Variants in ARVCF observed in about 807,000 individuals in gnomAD.
ARVCF encodes the protein ARVCF delta catenin family member.
A neutral mutation model predicts 90.9 loss-of-function variants in ARVCF; 66 were observed. The ratio of observed to expected loss-of-function variants is 0.73; its 90% CI spans 0.60 to 0.89. The LOEUF (loss-of-function observed/expected upper bound fraction) is 0.89, where lower values mean the gene tolerates loss of function less well. Ranked by LOEUF, ARVCF falls within the 40% of genes least tolerant of loss-of-function variation. ARVCF has a pLI of 0.00. For missense variants in ARVCF, 1,469 were observed against 1,382.3 expected (o/e 1.06, Z -1.00); for synonymous variants, 653 against 603.4 (o/e 1.08, Z -1.21).
At chr22:20,004,096 A>G (rs1473462024) in intron 2 of ARVCF, among the ~76,000 whole-genome samples, 1 of 152,220 alleles carries the variant, frequency 6.6e-6, no homozygotes, top group Non-Finnish European at 1.5e-5. Context: ...CCTGAAAGGG[A>G]AATTTAAAAA....
intron 2 of ARVCF, among the ~76,000 whole-genome samples, chr22:19,995,268 G>A (rs1944203373): frequency 6.6e-6 from 1 of 151,998 alleles, no homozygotes; most frequent in African/African-American, 2.4e-5. Flanking sequence ...ACGGGTGGTG[G>A]TAGAGGGATA....
chr22:19,976,758 GGAGCCT>G (rs1943178236), intron 9 of ARVCF, 35 bp from the exon 10 acceptor site: 3 of 1,555,964 alleles, frequency 1.9e-6, no homozygotes, highest in Non-Finnish European at 2.6e-6. Flanking sequence ...AGAGAGGAGA[GGAGCCT>G]GAACAGGCAG....
Position 19,982,106 on chromosome 22 carries a change from G to T in ARVCF, c.211-15C>A. 2 of 1,608,834 alleles carry T rather than the reference G, an allele frequency of 1.2e-6. No homozygotes were observed. The highest frequency in any genetic ancestry group is 1.7e-6 in the Non-Finnish European group (2 of 1,179,728). ...GGGCTCTGCTCCTGGGGCAAGGAGG[G>T]ACATTGGTGGGCAGGCCTGCTGCTC... is the stretch of plus-strand genomic sequence containing the variant. On this transcript the variant is annotated splice_polypyrimidine_tract_variant and intron_variant, in intron 3 of 19. Transcript: ENST00000263207.
chr22:19,996,145 A>G (rs1944242708), intron 2 of ARVCF, among the ~76,000 whole-genome samples: 1 of 152,164 alleles, frequency 6.6e-6, no homozygotes, highest in Non-Finnish European at 1.5e-5. Context: ...CACAGGGCGG[A>G]GTCCACATCC....
At position 19,970,210 on chromosome 22, in the gene ARVCF, C is replaced by A; in HGVS notation, c.*546G>T. 1.0e-6 allele frequency: 1 copy of A among 989,306 alleles called. No individual in the cohort carries two copies. The highest frequency in any genetic ancestry group is 1.2e-6 in the Non-Finnish European group (1 of 832,136). The allele number at this position is 989,306 out of a possible 1,614,324, so 61.3% of individuals were successfully genotyped here. On this transcript the variant is annotated 3_prime_UTR_variant, in exon 20 of 20. Transcript: ENST00000263207. ...CACCTGTAGCCTGACCCCCACCTTGCTGCTTCCAAAGCTTCCTTGCCCAGG... is the reference window on the plus strand; with the variant it reads ...CACCTGTAGCCTGACCCCCACCTTGATGCTTCCAAAGCTTCCTTGCCCAGG...
At chr22:19,995,993 C>T (rs1944237659) in intron 2 of ARVCF, among the ~76,000 whole-genome samples, 1 of 152,210 alleles carries the variant, frequency 6.6e-6, no homozygotes, top group Non-Finnish European at 1.5e-5. Context: ...GCTGGCCAGG[C>T]CTTGTGGGGG....
At chr22:19,971,862 G>A in intron 18 of ARVCF, 24 bp downstream of exon 18, 1 of 1,612,162 alleles carries the variant, frequency 6.2e-7, no homozygotes. Flanking sequence ...CCGGGGACCT[G>A]CCCACAGCCA....
At chr22:19,972,042 A>G (rs1942839546) in intron 17 of ARVCF, 71 bp from the exon 18 acceptor site, 1 of 1,408,260 alleles carries the variant, frequency 7.1e-7, no homozygotes, top group Admixed American at 2.0e-5. Flanking sequence ...TCTCCCTCTC[A>G]GCCCAGACAC....
downstream of ARVCF, among the ~76,000 whole-genome samples, chr22:19,966,728 T>C (rs2146186620): frequency 6.6e-6 from 1 of 152,026 alleles, no homozygotes; most frequent in South Asian, 2.1e-4. Context: ...GGTGTGTGCT[T>C]GGTCTGAGGC....
In ARVCF at chr22:19,990,568, A is replaced by G. The variant is rs1355265717; in HGVS notation, c.210+17T>C. On this transcript the variant is annotated intron_variant, in intron 3 of 19. Coordinates refer to ENST00000263207, the MANE Select transcript of ARVCF (RefSeq NM_001670.3). The stretch of plus-strand genomic sequence containing the variant: ...CACTTGGCAATTTTCACCCTTCCCA[A>G]GTCACTAGGCTGTTACCTGGAGGAC... 6.3e-7 allele frequency: 1 copy of G among 1,594,392 alleles called. No individual in the cohort carries two copies. Among genetic ancestry groups the G allele is most frequent in the Non-Finnish European group, 8.6e-7 (1 of 1,166,698 alleles).
chr22:19,985,451 G>T (rs963806505), intron 3 of ARVCF, among the ~76,000 whole-genome samples: 23 of 152,248 alleles, frequency 1.5e-4, no homozygotes, highest in Admixed American at 1.2e-3. Flanking sequence ...AGGGTCCCGG[G>T]AACACAGGGC....
intron 12 of ARVCF, 87 bp downstream of exon 12, chr22:19,974,025 C>T (rs1370204150): frequency 6.5e-6 from 10 of 1,532,070 alleles, no homozygotes; most frequent in East Asian, 2.3e-5. Context: ...CTCCTTTCCC[C>T]GCCAGCCGAG....
intron 17 of ARVCF, 84 bp from the exon 18 acceptor site, chr22:19,972,055 G>A: frequency 7.7e-7 from 1 of 1,293,084 alleles, no homozygotes; most frequent in Non-Finnish European, 1.1e-6. Flanking sequence ...CCAGACACAG[G>A]GGACTCGTGG....
At chr22:19,978,179 C>T in intron 7 of ARVCF, 104 bp from the exon 8 acceptor site, 1 of 1,013,726 alleles carries the variant, frequency 9.9e-7, no homozygotes, top group Non-Finnish European at 1.4e-6. Flanking sequence ...GGCCCTGCTG[C>T]TGCCCTCCTA....
In ARVCF at chr22:19,977,398, C is replaced by T; in HGVS notation, c.1870+17G>A. ...AGTTGAGATGGTAGAGATGATACCCCAGTCCGCCCCACCCACCTTTGGCCT... is the reference window on the plus strand; with the variant it reads ...AGTTGAGATGGTAGAGATGATACCCTAGTCCGCCCCACCCACCTTTGGCCT... On this transcript the variant is annotated intron_variant, in intron 9 of 19. Transcript: ENST00000263207. 1.3e-6 allele frequency: 2 copies of T among 1,497,502 alleles called. No homozygotes were observed. The highest frequency in any genetic ancestry group is 1.8e-6 in the Non-Finnish European group (2 of 1,121,738). 92.8% of individuals were successfully genotyped at this position (1,497,502 alleles called of 1,614,324 possible). A position where few individuals can be genotyped will look rare whatever the true frequency, so the allele number is the denominator to read the frequency against.
At position 19,972,647 on chromosome 22, in the gene ARVCF, C is replaced by T. The variant is rs572954360; in HGVS notation, c.2641+90G>A. 23 of 1,386,574 alleles carry T rather than the reference C, an allele frequency of 1.7e-5. No individual in the cohort carries two copies. The African/African-American group carries it at 2.5e-4, about 15-fold the overall frequency. The allele number at this position is 1,386,574 out of a possible 1,614,324, so 85.9% of individuals were successfully genotyped here. ...CTATGGAAGCCGTCTCAGTGGGAGG[C>T]CTGACTCCTCCTTCACCTTCACCCA... is the stretch of plus-strand genomic sequence containing the variant. On this transcript the variant is annotated intron_variant, in intron 16 of 19. Coordinates refer to ENST00000263207, the MANE Select transcript of ARVCF (RefSeq NM_001670.3).
chr22:20,004,565 G>T (rs967133659), intron 2 of ARVCF, among the ~76,000 whole-genome samples: 3 of 151,324 alleles, frequency 2.0e-5, no homozygotes, highest in African/African-American at 7.3e-5. Flanking sequence ...GATTTATATC[G>T]ATCTTTAAGG....
intron 2 of ARVCF, among the ~76,000 whole-genome samples, chr22:19,992,517 G>A (rs1356100509): frequency 6.6e-6 from 1 of 152,198 alleles, no homozygotes; most frequent in Non-Finnish European, 1.5e-5. Context: ...CCTAGTGCTA[G>A]GCCCGAGGTG....
chr22:19,971,747 G>T, intron 18 of ARVCF, 139 bp downstream of exon 18: 2 of 860,666 alleles, frequency 2.3e-6, no homozygotes, highest in Non-Finnish European at 3.7e-6. Context: ...GCGTGAAGGG[G>T]CTGCTTCCTG....
Sources: gnomAD v4.1 joint callset for allele counts (sites outside exome capture counted in the v4.1 genomes callset) on GRCh38, gnomAD v4.1.1 for gene constraint, MANE v1.5 for transcripts, NCBI Gene and HGNC (gene_info 2026-07-23, HGNC 2026-07-21) for gene names.